RBFOX1: variants seen among roughly 807,000 people sequenced by gnomAD.
RBFOX1 encodes the protein RNA binding fox-1 homolog 1.
A neutral mutation model predicts 57.7 loss-of-function variants in RBFOX1; 8 were observed. The ratio of observed to expected loss-of-function variants is 0.14; its 90% CI spans 0.08 to 0.25. The LOEUF (loss-of-function observed/expected upper bound fraction) is 0.25. Among genes scored for constraint, RBFOX1 ranks in the 10% least tolerant of loss-of-function variants. The pLI is 1.00. For synonymous variants in RBFOX1, 326 were observed against 222.4 expected (o/e 1.47, Z -4.15); for missense variants, 611 against 548.5 (o/e 1.11, Z -1.14).
intron 2 of RBFOX1, among the ~76,000 whole-genome samples, chr16:6,534,424 G>C (rs530059365): frequency 6.6e-6 from 1 of 152,070 alleles, no homozygotes; most frequent in Non-Finnish European, 1.5e-5. Flanking sequence ...TCTTTCACCC[G>C]CTAAGATGCC....
chr16:6,834,326 T>A (rs2092930473), intron 3 of RBFOX1, among the ~76,000 whole-genome samples: 1 of 152,076 alleles, frequency 6.6e-6, no homozygotes, highest in Non-Finnish European at 1.5e-5. Flanking sequence ...TCCACCCACC[T>A]CGGCCTCCCA....
At chr16:7,029,743 T>C (rs2042309769) in intron 3 of RBFOX1, among the ~76,000 whole-genome samples, 1 of 152,156 alleles carries the variant, frequency 6.6e-6, no homozygotes, top group African/African-American at 2.4e-5. Context: ...TAACCACTAT[T>C]AATGGTTCAC....
intron 1 of RBFOX1, chr16:5,366,094 G>A (rs921735603): frequency 2.1e-5 from 10 of 466,654 alleles, no homozygotes; most frequent in Admixed American, 6.8e-5. Flanking sequence ...GTGCTCTTAC[G>A]GTTGAAGTGT....
chr16:6,669,443 T>G (rs1438321438), intron 3 of RBFOX1, among the ~76,000 whole-genome samples: 1 of 152,196 alleles, frequency 6.6e-6, no homozygotes, highest in Admixed American at 6.5e-5. Context: ...CTATCAGAAT[T>G]TGCAGATCAA....
intron 1 of RBFOX1, among the ~76,000 whole-genome samples, chr16:5,329,625 A>G (rs528329720): frequency 2.6e-5 from 4 of 152,238 alleles, no homozygotes; most frequent in South Asian, 2.1e-4. Context: ...TTGGACTGTT[A>G]TAACAAAATA....
At chr16:5,389,737 G>A (rs949713782) in intron 1 of RBFOX1, among the ~76,000 whole-genome samples, 1 of 151,310 alleles carries the variant, frequency 6.6e-6, no homozygotes, top group South Asian at 2.1e-4. Context: ...TCTCACTGTT[G>A]CCCAGGCTGG....
chr16:5,740,658 T>C (rs1263568159), intron 3 of RBFOX1, among the ~76,000 whole-genome samples: 1 of 152,312 alleles, frequency 6.6e-6, no homozygotes, highest in East Asian at 1.9e-4. Flanking sequence ...ATAGGCTCTG[T>C]TGTTTTTCTT....
rs1164620383 is a variant in RBFOX1 at position 6,067,841 on chromosome 16, A to T, written c.-127+47849A>T. Among the ~76,000 whole-genome samples, 5 of 152,212 alleles carry T rather than the reference A, an allele frequency of 3.3e-5. No individual in the cohort carries two copies. In the South Asian group the frequency reaches 1.0e-3, roughly 32 times the overall value. The stretch of plus-strand genomic sequence containing the variant: ...TGTTTAATTATACCAGCCCACTGAA[A>T]ACTCACAGACTAAGCTTTCTAGACA... On this transcript the variant is annotated intron_variant, in intron 1 of 15. Transcript: ENST00000550418.
In RBFOX1 at chr16:6,886,035, G is replaced by A. The variant is rs28407087; in HGVS notation, c.-15-166022G>A. 6.3e-3 allele frequency among the ~76,000 whole-genome samples: 960 copies of A among 151,236 alleles called. 11 individuals carry two copies. The highest frequency in any genetic ancestry group is 0.022 in the African/African-American group (905 of 41,250). ...CGAGATTTCATGCATCAAGGATACT[G>A]TTGACTGTCCAGTGAAAGTATTTTT... On this transcript the variant is annotated intron_variant, in intron 3 of 15. Transcript: ENST00000550418.
chr16:7,364,292 G>C (rs970403462), intron 4 of RBFOX1, among the ~76,000 whole-genome samples: 1 of 151,984 alleles, frequency 6.6e-6, no homozygotes, highest in Non-Finnish European at 1.5e-5. Flanking sequence ...TATGAGATCT[G>C]TTTATCTTGC....
chr16:7,276,213 C>T (rs1430683861), intron 4 of RBFOX1, among the ~76,000 whole-genome samples: 1 of 152,144 alleles, frequency 6.6e-6, no homozygotes, highest in African/African-American at 2.4e-5. Context: ...GAAGCAGTAT[C>T]CAGAGACTGA....
exon 3 of RBFOX1, chr16:5,599,369 T>G (rs1255997073): frequency 1.0e-5 from 6 of 600,118 alleles, no homozygotes; most frequent in African/African-American, 1.9e-5. Context: ...GCTTACTGAG[T>G]GCTCTGGGGT....
At chr16:5,764,315 G>A (rs925041266) in intron 3 of RBFOX1, among the ~76,000 whole-genome samples, 2 of 152,202 alleles carry the variant, frequency 1.3e-5, no homozygotes, top group African/African-American at 4.8e-5. Context: ...GAAGGTACCA[G>A]AGGCCTTGAG....
chr16:6,340,296 T>C (rs756480131), intron 2 of RBFOX1, among the ~76,000 whole-genome samples: 1 of 152,134 alleles, frequency 6.6e-6, no homozygotes, highest in Non-Finnish European at 1.5e-5. Flanking sequence ...AGCTCACTCA[T>C]GACCTAAATT....
chr16:6,126,164 T>C (rs1174015761), intron 1 of RBFOX1, among the ~76,000 whole-genome samples: 1 of 152,214 alleles, frequency 6.6e-6, no homozygotes, highest in African/African-American at 2.4e-5. Flanking sequence ...AAATACCCCA[T>C]TTGAAATGTA....
intron 2 of RBFOX1, among the ~76,000 whole-genome samples, chr16:6,447,996 T>A (rs548642802): frequency 6.6e-6 from 1 of 150,778 alleles, no homozygotes; most frequent in East Asian, 2.0e-4. Flanking sequence ...CTCTCTCTCA[T>A]AATAACTTTA....
chr16:7,523,515 G>A (rs73484444), intron 5 of RBFOX1, among the ~76,000 whole-genome samples: 1,837 of 152,268 alleles, frequency 0.012, 47 homozygotes, highest in African/African-American at 0.041. Flanking sequence ...GAATGGCAAT[G>A]GATGCCCGAA....
chr16:5,748,128 A>G (rs1337365818), intron 3 of RBFOX1, among the ~76,000 whole-genome samples: 1 of 152,112 alleles, frequency 6.6e-6, no homozygotes, highest in African/African-American at 2.4e-5. Flanking sequence ...TCATTTCGTT[A>G]TGTACCCAGT....
chr16:6,390,723 A>G (rs1331727615), intron 2 of RBFOX1, among the ~76,000 whole-genome samples: 1 of 152,210 alleles, frequency 6.6e-6, no homozygotes, highest in Non-Finnish European at 1.5e-5. Flanking sequence ...TGAAATCTGT[A>G]TTATAAGTAG....
Sources: gnomAD v4.1 joint callset for allele counts (sites outside exome capture counted in the v4.1 genomes callset) on GRCh38, gnomAD v4.1.1 for gene constraint, MANE v1.5 for transcripts, NCBI Gene and HGNC (gene_info 2026-07-23, HGNC 2026-07-21) for gene names.